Variants in VAT1L observed in about 807,000 individuals in gnomAD.
The protein encoded by VAT1L is vesicle amine transport 1 like, also known as putative NADPH-dependent quinone oxidoreductase VAT1L.
VAT1L carries 34 observed loss-of-function variants against 44.1 expected under a neutral mutation model. That is an observed-to-expected ratio of 0.77 (90% CI 0.59 to 1.03). The LOEUF is 1.03. VAT1L is among the 50% of genes least tolerant of loss of function. VAT1L has a pLI of 0.00. For missense variants in VAT1L, 615 were observed against 538.8 expected, an observed-to-expected ratio of 1.14 and a Z score of -1.40; for synonymous variants, 253 against 202.2, an observed-to-expected ratio of 1.25 and a Z score of -2.13.
In VAT1L at chr16:77,788,910, A is replaced by G. The variant is rs1344247306; in HGVS notation, c.228A>G (p.Lys76=). ...PQDGELKIRV[K]ACGLNFIDLM... ...ACGGCGAGCTCAAGATCCGCGTCAA[A>G]GCCTGGTCCAGTATCCGCGCCTTTC... The change falls in exon 1 of 9, where the codon AAA becomes AAG. Residue 76 remains lysine (K), a synonymous_variant. Coordinates refer to ENST00000302536, the MANE Select transcript of VAT1L (RefSeq NM_020927.3). The G allele has an allele frequency of 6.6e-7, 1 of 1,508,832 alleles. No individual in the cohort carries two copies. The highest frequency in any genetic ancestry group is 8.9e-7 in the Non-Finnish European group (1 of 1,129,856). The allele number at this position is 1,508,832 out of a possible 1,614,324, so 93.5% of individuals were successfully genotyped here. A position where few individuals can be genotyped will look rare whatever the true frequency, so the allele number is the denominator to read the frequency against.
intron 7 of VAT1L, among the ~76,000 whole-genome samples, chr16:77,967,648 G>A (rs941036922): frequency 3.3e-5 from 5 of 152,206 alleles, no homozygotes; most frequent in African/African-American, 1.2e-4. Flanking sequence ...ATGCAGATTA[G>A]AGGCAGCCCT....
At chr16:77,900,454 G>T (rs1163809378) in intron 7 of VAT1L, among the ~76,000 whole-genome samples, 1 of 152,100 alleles carries the variant, frequency 6.6e-6, no homozygotes, top group African/African-American at 2.4e-5. Context: ...AGCATTTTGG[G>T]AGGACAAGGC....
At chr16:77,820,653 A>G (rs115238963) in intron 2 of VAT1L, among the ~76,000 whole-genome samples, 2,912 of 152,236 alleles carry the variant, frequency 0.019, 43 homozygotes, top group African/African-American at 0.04. Flanking sequence ...TCTGAACTGG[A>G]AGCCTTCTGC....
chr16:77,849,643 A>G (rs2016789528), intron 3 of VAT1L, among the ~76,000 whole-genome samples: 1 of 152,220 alleles, frequency 6.6e-6, no homozygotes, highest in African/African-American at 2.4e-5. Context: ...TCCTACAAAG[A>G]AGGCAGGTCT....
chr16:77,801,716 A>T (rs1401415864), intron 1 of VAT1L: 1 of 1,270 alleles, frequency 7.9e-4, no homozygotes, highest in African/African-American at 3.5e-3. Context: ...CTTTCATTTA[A>T]AAAAAAAAAA....
chr16:77,932,959 G>A (rs1376028741), intron 7 of VAT1L, among the ~76,000 whole-genome samples: 1 of 152,158 alleles, frequency 6.6e-6, no homozygotes, highest in South Asian at 2.1e-4. Context: ...AAGCACTTGG[G>A]GACAATTCTC....
At chr16:77,850,207 T>C (rs2016794595) in intron 3 of VAT1L, among the ~76,000 whole-genome samples, 1 of 151,982 alleles carries the variant, frequency 6.6e-6, no homozygotes, top group African/African-American at 2.4e-5. Flanking sequence ...AAGACAGGAG[T>C]AGGGGACATG....
intron 7 of VAT1L, among the ~76,000 whole-genome samples, chr16:77,952,855 TAAAAAA>T (rs61033802): frequency 7.6e-5 from 7 of 92,234 alleles, no homozygotes; most frequent in East Asian, 3.7e-4. Flanking sequence ...AGACTCCATT[TAAAAAA>T]AAAAAAAAAA....
chr16:77,965,201 G>T (rs770550623), intron 7 of VAT1L, among the ~76,000 whole-genome samples: 14 of 152,120 alleles, frequency 9.2e-5, no homozygotes, highest in African/African-American at 2.9e-4. Flanking sequence ...CCAGGGCTTT[G>T]GTTCTGTTGA....
chr16:77,821,805 A>T (rs1312840449), intron 2 of VAT1L, among the ~76,000 whole-genome samples: 1 of 152,018 alleles, frequency 6.6e-6, no homozygotes, highest in African/African-American at 2.4e-5. Flanking sequence ...CAGCAATAAG[A>T]AGAGATGTCA....
chr16:77,883,155 G>T (rs570733538), intron 6 of VAT1L, among the ~76,000 whole-genome samples: 1 of 152,192 alleles, frequency 6.6e-6, no homozygotes, highest in South Asian at 2.1e-4. Context: ...ATATAAATGA[G>T]CTCAATGATA....
intron 4 of VAT1L, among the ~76,000 whole-genome samples, chr16:77,865,617 C>T (rs914598556): frequency 1.3e-5 from 2 of 152,306 alleles, no homozygotes; most frequent in African/African-American, 2.4e-5. Flanking sequence ...CTATCGAATA[C>T]TTACTGATGG....
chr16:77,866,444 C>A (rs1393069422), intron 4 of VAT1L, among the ~76,000 whole-genome samples: 1 of 151,792 alleles, frequency 6.6e-6, no homozygotes, highest in Non-Finnish European at 1.5e-5. Context: ...CAGATTCCAT[C>A]TACTCTGTGA....
At chr16:77,950,603 T>C (rs1224029767) in intron 7 of VAT1L, among the ~76,000 whole-genome samples, 1 of 152,188 alleles carries the variant, frequency 6.6e-6, no homozygotes, top group African/African-American at 2.4e-5. Context: ...CGTGATCTTA[T>C]CATGTTAATG....
intron 4 of VAT1L, among the ~76,000 whole-genome samples, chr16:77,874,366 A>G (rs979950447): frequency 6.6e-5 from 10 of 151,944 alleles, no homozygotes; most frequent in African/African-American, 2.2e-4. Context: ...CAGGAGCACA[A>G]TTACCCACCC....
At chr16:77,977,118 C>T (rs921121184) in intron 8 of VAT1L, among the ~76,000 whole-genome samples, 4 of 152,180 alleles carry the variant, frequency 2.6e-5, no homozygotes, top group Admixed American at 6.5e-5. Context: ...GTCACCAGAG[C>T]ATGCTTGAGT....
intron 6 of VAT1L, among the ~76,000 whole-genome samples, chr16:77,883,134 TC>T (rs1370816203): frequency 6.6e-6 from 1 of 152,218 alleles, no homozygotes; most frequent in African/African-American, 2.4e-5. Flanking sequence ...TTAATTCTTT[TC>T]GAAAACAGGA....
chr16:77,906,642 G>A (rs1179579257), intron 7 of VAT1L, among the ~76,000 whole-genome samples: 11 of 152,260 alleles, frequency 7.2e-5, no homozygotes, highest in Middle Eastern at 3.4e-3. Context: ...GGGAAACTAC[G>A]GAAATGCAAC....
intron 1 of VAT1L, among the ~76,000 whole-genome samples, chr16:77,814,486 C>G (rs1008061770): frequency 6.6e-6 from 1 of 152,168 alleles, no homozygotes; most frequent in Non-Finnish European, 1.5e-5. Flanking sequence ...CATCACTGGG[C>G]CCAGTTCATG....
Sources: allele counts gnomAD v4.1 joint callset (sites outside exome capture counted in the v4.1 genomes callset), GRCh38; gene constraint gnomAD v4.1.1; transcripts MANE v1.5; gene names NCBI Gene and HGNC (gene_info 2026-07-23, HGNC 2026-07-21).